KDM4B: variants seen among roughly 807,000 people sequenced by gnomAD.
KDM4B encodes lysine demethylase 4B.
A neutral mutation model predicts 125.2 loss-of-function variants in KDM4B; 32 were observed. The observed-to-expected ratio is 0.26, with a 90% CI of 0.19 to 0.34. KDM4B has a LOEUF of 0.34. Ranked by LOEUF, KDM4B falls within the 10% of genes least tolerant of loss-of-function variation. The probability of loss-of-function intolerance (pLI) is 1.00; values close to 1 mark genes in which losing one functional copy is unlikely to be tolerated. For synonymous variants in KDM4B, 721 were observed against 677.9 expected (o/e 1.06, Z -0.99); for missense variants, 1,190 against 1,577.7 (o/e 0.75, Z 4.16).
chr19:5,046,661 T>A (rs2145700640), intron 5 of KDM4B, among the ~76,000 whole-genome samples: 1 of 152,294 alleles, frequency 6.6e-6, no homozygotes, highest in East Asian at 1.9e-4. Context: ...GCATTAAGAA[T>A]AGATGTGCCT....
chr19:5,080,326 C>T (rs2038250819), intron 8 of KDM4B, among the ~76,000 whole-genome samples: 1 of 152,214 alleles, frequency 6.6e-6, no homozygotes, highest in Non-Finnish European at 1.5e-5. Flanking sequence ...CTCTGCTCAT[C>T]TTTCTGGGGG....
At chr19:5,048,243 C>G (rs893515399) in intron 6 of KDM4B, among the ~76,000 whole-genome samples, 1 of 152,224 alleles carries the variant, frequency 6.6e-6, no homozygotes, top group Non-Finnish European at 1.5e-5. Context: ...AGTTCCAGGA[C>G]CTTCTCCTGG....
chr19:4,995,942 T>C (rs2035186351), intron 1 of KDM4B, among the ~76,000 whole-genome samples: 1 of 152,226 alleles, frequency 6.6e-6, no homozygotes. Context: ...GGTACAGATA[T>C]GTGTAATTTA....
rs141093070 is a variant in KDM4B at position 5,135,326 on chromosome 19, C to T, written c.2086-13C>T. 1.8e-3 allele frequency: 2,928 copies of T among 1,586,588 alleles called. 11 individuals are homozygous for T. Among genetic ancestry groups the T allele is most frequent in the Middle Eastern group, 9.5e-3 (57 of 5,998 alleles). ...CATGGCTCTGTCCCCTGAAGGTCGC[C>T]TCTCCCCTACAGGCCCTACAGACTG... On this transcript the variant is annotated splice_polypyrimidine_tract_variant and intron_variant, in intron 14 of 22. Transcript: ENST00000159111.
rs751238075 is a variant in KDM4B at position 5,039,862 on chromosome 19, G to A, written c.168G>A (p.Pro56=). ...AKIIPPKEWK[P]RQTYDDIDDV... is the part of the protein sequence containing the mutation. Reference sequence around the variant, plus strand: ...TCATCCCCCCGAAGGAGTGGAAGCCGCGGCAGACGTATGATGACATCGACG... The same window carrying A: ...TCATCCCCCCGAAGGAGTGGAAGCCACGGCAGACGTATGATGACATCGACG... The change falls in exon 4 of 23, where the codon CCG becomes CCA. Residue 56 remains proline, a synonymous_variant. Coordinates refer to ENST00000159111, the MANE Select transcript of KDM4B (RefSeq NM_015015.3). 4.3e-6 allele frequency: 7 copies of A among 1,612,814 alleles called. No individual in the cohort carries two copies. The highest frequency in any genetic ancestry group is 3.3e-5 in the Admixed American group (2 of 59,994).
chr19:5,099,302 A>G (rs947859205), intron 9 of KDM4B, among the ~76,000 whole-genome samples: 5 of 152,220 alleles, frequency 3.3e-5, no homozygotes, highest in African/African-American at 1.2e-4. Flanking sequence ...ACGAGAAGCC[A>G]TGTCTGTGTC....
Position 5,042,780 on chromosome 19 carries a change from A to G in KDM4B, c.432+1529A>G, listed in dbSNP as rs371092683. On this transcript the variant is annotated intron_variant, in intron 5 of 22. Transcript: ENST00000159111. ...GATGGCGCTGAACCATTCAGGAGAC[A>G]TGAGCAATCCACCCACGGTGCAGCC... 2.3e-4 allele frequency among the ~76,000 whole-genome samples: 35 copies of G among 151,728 alleles called. 1 individual carries two copies. In the East Asian group the frequency reaches 4.7e-3, roughly 20 times the overall value.
At position 5,010,457 on chromosome 19, in the gene KDM4B, T is replaced by G. The variant is rs539928744; in HGVS notation, c.-108-5800T>G. On this transcript the variant is annotated intron_variant, in intron 1 of 22. Coordinates refer to ENST00000159111, the MANE Select transcript of KDM4B (RefSeq NM_015015.3). ...CCTTTTCCCTTTGGGACTTTGAGCC[T>G]GTGAACATGTCCTGTTCCTTCAACT... 3.9e-5 allele frequency among the ~76,000 whole-genome samples: 6 copies of G among 152,352 alleles called. No individual in the cohort carries two copies. In the South Asian group the frequency reaches 1.2e-3, roughly 32 times the overall value.
In KDM4B at chr19:4,987,366, T is replaced by C. The variant is rs1444521100; in HGVS notation, c.-109+18136T>C. On this transcript the variant is annotated intron_variant, in intron 1 of 22. Coordinates refer to ENST00000159111, the MANE Select transcript of KDM4B (RefSeq NM_015015.3). ...CTAAGAGTATATATTGGTTTTAGGGTGAAGGGGCTTATCACAAGCTTGGAA... is the reference window on the plus strand; with the variant it reads ...CTAAGAGTATATATTGGTTTTAGGGCGAAGGGGCTTATCACAAGCTTGGAA... Among the ~76,000 whole-genome samples the C allele has an allele frequency of 2.6e-5, 4 of 152,100 alleles. No individual in the cohort carries two copies. In the East Asian group the frequency reaches 7.7e-4, roughly 29 times the overall value.
rs762452380 is a variant in KDM4B at position 5,137,608 on chromosome 19, C to G, written c.2386-13C>G. 6.9e-6 allele frequency: 11 copies of G among 1,603,090 alleles called. No homozygotes were observed. The highest frequency in any genetic ancestry group is 3.4e-5 in the Admixed American group (2 of 59,328). Reference sequence around the variant, plus strand: ...CCGAGCCCTGCTCATCCAGGGCTGTCTGGTCTCCACAGGAGTGCTGCCTGT... The same window carrying G: ...CCGAGCCCTGCTCATCCAGGGCTGTGTGGTCTCCACAGGAGTGCTGCCTGT... On this transcript the variant is annotated splice_polypyrimidine_tract_variant and intron_variant, in intron 16 of 22. Transcript: ENST00000159111.
rs188885090 is a variant in KDM4B, at chr19:5,090,684, C to T, written c.918+8180C>T. 3.2e-3 allele frequency among the ~76,000 whole-genome samples: 443 copies of T among 137,482 alleles called. 6 individuals are homozygous for T. The highest frequency in any genetic ancestry group is 3.5e-3 in the Middle Eastern group (1 of 288). The allele number at this position is 137,482 out of a possible 152,430, so 90.2% of individuals were successfully genotyped here. On this transcript the variant is annotated intron_variant, in intron 9 of 22. Coordinates refer to ENST00000159111, the MANE Select transcript of KDM4B (RefSeq NM_015015.3). ...CCCCCACCGCCGACAGTACCACCCT[C>T]CATCAAGTGCCGACTCTGGGCCTTG...
At chr19:5,031,740 C>T (rs1031895404) in intron 2 of KDM4B, among the ~76,000 whole-genome samples, 1 of 152,174 alleles carries the variant, frequency 6.6e-6, no homozygotes, top group Non-Finnish European at 1.5e-5. Flanking sequence ...CTAGCTGGGG[C>T]CTCCCTGCCG....
In KDM4B at chr19:5,131,486, G is replaced by A. The variant is rs773359252; in HGVS notation, c.1726G>A (p.Gly576Ser). The change falls in exon 12 of 23, where the codon GGT becomes AGT. Residue 576 changes from glycine (G) to serine (S), a missense_variant. Around this residue, in one of 7 missense-constraint regions of KDM4B, gnomAD observed 428 missense variants for 405.1 expected, o/e 1.06. Coordinates refer to ENST00000159111, the MANE Select transcript of KDM4B (RefSeq NM_015015.3). ...CATGGAGCTGACGGGGCCAGAGGACGGTGCAGCCAGCAGTGGGGCAGGTCG... is the reference window on the plus strand; with the variant it reads ...CATGGAGCTGACGGGGCCAGAGGACAGTGCAGCCAGCAGTGGGGCAGGTCG... ...SPMELTGPED[G>S]AASSGAGRME... 118 of 1,600,162 alleles carry A rather than the reference G, an allele frequency of 7.4e-5. 1 individual carries two copies. Among genetic ancestry groups the A allele is most frequent in the Admixed American group, 2.2e-4 (13 of 59,076 alleles).
intron 6 of KDM4B, among the ~76,000 whole-genome samples, chr19:5,069,169 A>C (rs1308233658): frequency 2.6e-5 from 4 of 152,218 alleles, no homozygotes; most frequent in African/African-American, 7.2e-5. Flanking sequence ...ACAGAGTTGA[A>C]GGTGCTGGGG....
chr19:5,041,525 G>T (rs111977248), intron 5 of KDM4B, among the ~76,000 whole-genome samples: 13 of 152,262 alleles, frequency 8.5e-5, no homozygotes, highest in Admixed American at 7.8e-4. Flanking sequence ...GGCCCACAGC[G>T]TGTTACAAAC....
In KDM4B at chr19:4,971,755, C is replaced by T. The variant is rs974957065; in HGVS notation, c.-109+2525C>T. Among the ~76,000 whole-genome samples, 1 of 152,114 alleles carries T rather than the reference C, an allele frequency of 6.6e-6. No homozygotes were observed. The highest frequency in any genetic ancestry group is 2.4e-5 in the African/African-American group (1 of 41,390). ...AGCTCAGGGAGCAGGCAGGAGGAGG[C>T]GAGGCTGTTGAGGGCCTGAGGTGCA... On this transcript the variant is annotated intron_variant, in intron 1 of 22. Coordinates refer to ENST00000159111, the MANE Select transcript of KDM4B (RefSeq NM_015015.3). This position sits in a 1 kb window ranked among gnomAD's most constrained non-coding sequence, Gnocchi z 4.1.
intron 14 of KDM4B, among the ~76,000 whole-genome samples, chr19:5,134,319 G>T (rs529197363): frequency 2.0e-5 from 3 of 152,310 alleles, no homozygotes; most frequent in African/African-American, 7.2e-5. Context: ...GGAGGCTCGG[G>T]GTCACTGCCC....
At chr19:5,011,761 G>T (rs1452572193) in intron 1 of KDM4B, among the ~76,000 whole-genome samples, 2 of 152,366 alleles carry the variant, frequency 1.3e-5, no homozygotes, top group African/African-American at 4.8e-5. Flanking sequence ...GAACCCACCC[G>T]AGGGTCAGCC....
At chr19:5,145,849 C>T (rs1013694828) in intron 21 of KDM4B, among the ~76,000 whole-genome samples, 2 of 152,168 alleles carry the variant, frequency 1.3e-5, no homozygotes, top group Non-Finnish European at 2.9e-5. Flanking sequence ...GGCCTTAGCT[C>T]GCACCCCGAG....
Sources: gnomAD v4.1 joint callset for allele counts (sites outside exome capture counted in the v4.1 genomes callset) on GRCh38, gnomAD v4.1.1 for gene constraint, gnomAD v4.1.1 regional missense constraint, Gnocchi (gnomAD v3.1) non-coding constraint, MANE v1.5 for transcripts, NCBI Gene and HGNC (gene_info 2026-07-23, HGNC 2026-07-21) for gene names.